SMO: variants seen among roughly 807,000 people sequenced by gnomAD.
The protein encoded by SMO is protein smoothened.
A neutral mutation model predicts 81.6 loss-of-function variants in SMO; 40 were observed. The ratio of observed to expected loss-of-function variants is 0.49; its 90% CI spans 0.38 to 0.64. The LOEUF (loss-of-function observed/expected upper bound fraction) is 0.64. Ranked by LOEUF, SMO falls within the 30% of genes least tolerant of loss-of-function variation. The pLI is 0.00. For synonymous variants in SMO, 434 were observed against 432.1 expected, an observed-to-expected ratio of 1.00 and a Z score of -0.05; for missense variants, 916 against 1,061.1, an observed-to-expected ratio of 0.86 and a Z score of 1.90.
chr7:129,200,613 T>G (rs1793654347), intron 1 of SMO, among the ~76,000 whole-genome samples: 1 of 152,188 alleles, frequency 6.6e-6, no homozygotes, highest in Admixed American at 6.5e-5. Context: ...GGGAGTTTTA[T>G]TTTTAAGGTA....
At position 129,188,681 on chromosome 7, in the gene SMO, G is replaced by A. The variant is rs1305412485; in HGVS notation, c.-471G>A. ...GAGCAACAAAGGAGCCGGGTCGCCGGCGGGGAGAGTTCGGGGGGCTGCGGC... is the reference window on the plus strand; with the variant it reads ...GAGCAACAAAGGAGCCGGGTCGCCGACGGGGAGAGTTCGGGGGGCTGCGGC... On this transcript the variant is annotated 5_prime_UTR_variant, in exon 1 of 12. Transcript: ENST00000249373. This position sits in a 1 kb window ranked among gnomAD's most constrained non-coding sequence, Gnocchi z 4.9. Among the ~76,000 whole-genome samples, 2 of 152,272 alleles carry A rather than the reference G, an allele frequency of 1.3e-5. No individual in the cohort carries two copies. Among genetic ancestry groups the A allele is most frequent in the African/African-American group, 4.8e-5 (2 of 41,572 alleles).
In SMO at chr7:129,206,354, C is replaced by T. The variant is rs1259349686; in HGVS notation, c.1125C>T (p.Ile375=). Residue 375 remains isoleucine (I), a synonymous_variant, in exon 5 of 12, where the codon ATC becomes ATT. Coordinates refer to ENST00000249373, the MANE Select transcript of SMO (RefSeq NM_005631.5). The surrounding 1 kb of genome is among the most constrained non-coding windows in gnomAD (Gnocchi z 4.4). The part of the protein sequence containing the change: ...WSLPFVLTVA[I]LAVAQVDGDS... ...TCCCCTTTGTCCTCACTGTGGCAAT[C>T]CTTGCTGTGGCGCAGGTATAGTGAC... 6.8e-6 allele frequency: 11 copies of T among 1,614,072 alleles called. No individual in the cohort carries two copies. Among genetic ancestry groups the T allele is most frequent in the Admixed American group, 1.7e-5 (1 of 60,004 alleles).
rs539448941 is a variant in SMO, at chr7:129,206,053, A to C, written c.921-97A>C. ...CAAGCCCTGACTTCTGGGAACCTCC[A>C]GACCTCAGCAGCTGAGGGTCTGGGC... On this transcript the variant is annotated intron_variant, in intron 4 of 11. Coordinates refer to ENST00000249373, the MANE Select transcript of SMO (RefSeq NM_005631.5). This position sits in a 1 kb window ranked among gnomAD's most constrained non-coding sequence, Gnocchi z 4.4. 25 of 1,081,234 alleles carry C rather than the reference A, an allele frequency of 2.3e-5. No individual in the cohort carries two copies. In the East Asian group the frequency reaches 5.9e-4, roughly 26 times the overall value. 67.0% of individuals were successfully genotyped at this position (1,081,234 alleles called of 1,614,324 possible).
chr7:129,202,923 T>G (rs1224324361), intron 1 of SMO, among the ~76,000 whole-genome samples: 1 of 152,194 alleles, frequency 6.6e-6, no homozygotes, highest in Non-Finnish European at 1.5e-5. Context: ...ACTTAAATGA[T>G]AGTAAGCATA....
Position 129,189,012 on chromosome 7 carries a change from G to A in SMO, c.-140G>A. 12 of 673,628 alleles carry A rather than the reference G, an allele frequency of 1.8e-5. No individual in the cohort carries two copies. Among genetic ancestry groups the A allele is most frequent in the Non-Finnish European group, 2.3e-5 (11 of 487,536 alleles). The allele number at this position is 673,628 out of a possible 1,614,324, so 41.7% of individuals were successfully genotyped here. A position where few individuals can be genotyped will look rare whatever the true frequency, so the allele number is the denominator to read the frequency against. On this transcript the variant is annotated 5_prime_UTR_variant, in exon 1 of 12. Transcript: ENST00000249373. The surrounding 1 kb of genome is among the most constrained non-coding windows in gnomAD (Gnocchi z 4.7). ...AGGGGCCGGGGCGCGCGGAGCGTCC[G>A]GGGGGGCCCGGGCCCGGATTCTCTG...
At position 129,212,388 on chromosome 7, in the gene SMO, G is replaced by A. The variant is rs759039033; in HGVS notation, c.2301G>A (p.Gly767=). 5 of 1,614,054 alleles carry A rather than the reference G, an allele frequency of 3.1e-6. No individual in the cohort carries two copies. The highest frequency in any genetic ancestry group is 2.2e-5 in the South Asian group (2 of 91,086). The change falls in exon 12 of 12, where the codon GGG becomes GGA. Residue 767 remains glycine (G), a synonymous_variant. Transcript: ENST00000249373. The surrounding 1 kb of genome is among the most constrained non-coding windows in gnomAD (Gnocchi z 5.0). ...CTCATGGCCGCCGACAGGGCCTGGG[G>A]CCTATTCACTCCCGCACCAACCTGA... ...AWAHGRRQGL[G]PIHSRTNLMD...
At chr7:129,193,384 G>C (rs1793506895) in intron 1 of SMO, among the ~76,000 whole-genome samples, 1 of 152,058 alleles carries the variant, frequency 6.6e-6, no homozygotes, top group Non-Finnish European at 1.5e-5. Context: ...TTTTGGTGAT[G>C]GTGGGTTATT....
At chr7:129,193,785 AATATATAT>A (rs71526088) in intron 1 of SMO, among the ~76,000 whole-genome samples, 237 of 26,314 alleles carry the variant, frequency 9.0e-3, no homozygotes, top group South Asian at 0.012. Flanking sequence ...AAAAAAAAAA[AATATATAT>A]ATATATATAT....
At chr7:129,209,242 G>GC (rs755483776) in intron 7 of SMO, 47 bp from the exon 8 acceptor site, 1 of 1,146,778 alleles carries the variant, frequency 8.7e-7, no homozygotes, top group Non-Finnish European at 1.3e-6. Flanking sequence ...CACTGCTGCT[G>GC]CGGGACTGGG....
At chr7:129,190,197 G>A (rs985154509) in intron 1 of SMO, among the ~76,000 whole-genome samples, 3 of 152,156 alleles carry the variant, frequency 2.0e-5, no homozygotes, top group Non-Finnish European at 4.4e-5. Context: ...TTTGGTTACC[G>A]AGGCTGGTCA....
At position 129,212,441 on chromosome 7, in the gene SMO, C is replaced by T. The variant is rs1425442829; in HGVS notation, c.2354C>T (p.Ser785Leu). 5.6e-6 allele frequency: 9 copies of T among 1,610,344 alleles called. No individual in the cohort carries two copies. Among genetic ancestry groups the T allele is most frequent in the African/African-American group, 2.7e-5 (2 of 74,860 alleles). Residue 785 changes from serine (S) to leucine (L), a missense_variant, in exon 12 of 12, where the codon TCG becomes TTG. Transcript: ENST00000249373. The surrounding 1 kb of genome is among the most constrained non-coding windows in gnomAD (Gnocchi z 5.0). Reference sequence around the variant, plus strand: ...GACACAGAACTCATGGATGCAGACTCGGACTTCTGAGCCTGCAGAGCAGGA... The same window carrying T: ...GACACAGAACTCATGGATGCAGACTTGGACTTCTGAGCCTGCAGAGCAGGA... ...LMDTELMDADSDF is the reference protein window; with the variant it reads ...LMDTELMDADLDF
intron 1 of SMO, among the ~76,000 whole-genome samples, chr7:129,196,936 G>C (rs2150643114): frequency 7.0e-6 from 1 of 143,544 alleles, no homozygotes; most frequent in Middle Eastern, 3.9e-3. Context: ...AGAATGGCGT[G>C]AACCTGGGAG....
In SMO at chr7:129,212,348, C is replaced by T. The variant is rs2150657153; in HGVS notation, c.2261C>T (p.Ala754Val). Residue 754 changes from alanine (A) to valine (V), a missense_variant, in exon 12 of 12, where the codon GCC becomes GTC. Ala to Val is a moderately conservative substitution (Grantham distance 64). Transcript: ENST00000249373. This position sits in a 1 kb window ranked among gnomAD's most constrained non-coding sequence, Gnocchi z 5.0. ...PQDPFLPSAP[A>V]PVAWAHGRRQ... ...GATCCATTTCTGCCCAGTGCACCGG[C>T]CCCCGTGGCATGGGCTCATGGCCGC... The T allele has an allele frequency of 2.5e-6, 4 of 1,614,146 alleles. No homozygotes were observed. The highest frequency in any genetic ancestry group is 3.4e-6 in the Non-Finnish European group (4 of 1,180,026).
chr7:129,212,281 C>T lies in SMO; in HGVS notation c.2194C>T (p.Leu732=), dbSNP rs2150656984. The change falls in exon 12 of 12, where the codon CTG becomes TTG. Residue 732 remains leucine, a synonymous_variant. Transcript: ENST00000249373. The surrounding 1 kb of genome is among the most constrained non-coding windows in gnomAD (Gnocchi z 5.0). ...CTCTTGCCGACAGGGAGCGTGGACC[C>T]TGGTCTCCAACCCATTCTGCCCAGA... is the stretch of plus-strand genomic sequence containing the variant. ...GDSCRQGAWT[L]VSNPFCPEPS... 6.2e-7 allele frequency: 1 copy of T among 1,613,436 alleles called. No individual in the cohort carries two copies. Among genetic ancestry groups the T allele is most frequent in the Non-Finnish European group, 8.5e-7 (1 of 1,179,724 alleles).
At position 129,205,289 on chromosome 7, in the gene SMO, G is replaced by A. The variant is rs2150648266; in HGVS notation, c.624G>A (p.Glu208=). ...VRTDNPKSWY[E]DVEGCGIQCQ... ...CAGACAACCCCAAGAGCTGGTACGAGGACGTGGAGGGCTGCGGCATCCAGT... is the reference window on the plus strand; with the variant it reads ...CAGACAACCCCAAGAGCTGGTACGAAGACGTGGAGGGCTGCGGCATCCAGT... Residue 208 remains glutamate, a synonymous_variant, in exon 3 of 12, where the codon GAG becomes GAA. Transcript: ENST00000249373. 1 of 1,614,238 alleles carries A rather than the reference G, an allele frequency of 6.2e-7. No individual in the cohort carries two copies. Among genetic ancestry groups the A allele is most frequent in the South Asian group, 1.1e-5 (1 of 91,088 alleles).
chr7:129,201,439 C>T (rs1354156538), intron 1 of SMO, among the ~76,000 whole-genome samples: 2 of 152,146 alleles, frequency 1.3e-5, no homozygotes, highest in Non-Finnish European at 2.9e-5. Context: ...TAAAAGTAAA[C>T]ATCCAGTAAA....
In SMO at chr7:129,210,605, C is replaced by T. The variant is rs2150654159; in HGVS notation, c.1652+57C>T. The T allele has an allele frequency of 5.6e-6, 8 of 1,432,134 alleles. No homozygotes were observed. Among genetic ancestry groups the T allele is most frequent in the South Asian group, 1.2e-5 (1 of 86,056 alleles). 88.7% of individuals were successfully genotyped at this position (1,432,134 alleles called of 1,614,324 possible). On this transcript the variant is annotated intron_variant, in intron 9 of 11. Transcript: ENST00000249373. This position sits in a 1 kb window ranked among gnomAD's most constrained non-coding sequence, Gnocchi z 4.7. ...CCCGCCTCACCCTCAGCCTTGGGAC[C>T]CCATCTTTAGGTTTTGTCGGGTCCT...
At position 129,211,490 on chromosome 7, in the gene SMO, A is replaced by C; in HGVS notation, c.1802-146A>C. On this transcript the variant is annotated intron_variant, in intron 10 of 11. Transcript: ENST00000249373. The surrounding 1 kb of genome is among the most constrained non-coding windows in gnomAD (Gnocchi z 4.6). ...CCTTCTCTTCAGATTCTGAAGGGGT[A>C]GAGATCACCGTGGTTACAGGGTGAG... 2.3e-5 allele frequency: 20 copies of C among 876,490 alleles called. No individual in the cohort carries two copies. Among genetic ancestry groups the C allele is most frequent in the Non-Finnish European group, 3.7e-5 (20 of 534,328 alleles). The allele number at this position is 876,490 out of a possible 1,614,324, so 54.3% of individuals were successfully genotyped here. A position where few individuals can be genotyped will look rare whatever the true frequency, so the allele number is the denominator to read the frequency against.
chr7:129,190,693 G>T (rs1793469805), intron 1 of SMO, among the ~76,000 whole-genome samples: 1 of 152,222 alleles, frequency 6.6e-6, no homozygotes, highest in South Asian at 2.1e-4. Context: ...GAACTTGGAG[G>T]ATGGTATCCA....
Sources: gnomAD v4.1 joint callset for allele counts (sites outside exome capture counted in the v4.1 genomes callset) on GRCh38, gnomAD v4.1.1 for gene constraint, Gnocchi (gnomAD v3.1) non-coding constraint, MANE v1.5 for transcripts, NCBI Gene and HGNC (gene_info 2026-07-23, HGNC 2026-07-21) for gene names.